Variants in RNASEH2C observed in about 807,000 individuals in gnomAD.
RNASEH2C encodes RNase H1 small subunit.
RNASEH2C carries 20 observed loss-of-function variants against 16.3 expected under a neutral mutation model. That is an observed-to-expected ratio of 1.23 (90% CI 0.86 to 1.79). The LOEUF (loss-of-function observed/expected upper bound fraction) is 1.79. Among genes scored for constraint, RNASEH2C ranks in the 40% most tolerant of loss-of-function variants. RNASEH2C has a pLI of 0.00. For missense variants in RNASEH2C, 296 were observed against 235.9 expected (o/e 1.25, Z -1.67); for synonymous variants, 106 against 98.9 (o/e 1.07, Z -0.43).
In RNASEH2C at chr11:65,718,676, T is replaced by G; in HGVS notation, c.*1107A>C. On this transcript the variant is annotated 3_prime_UTR_variant, in exon 4 of 4. Coordinates refer to ENST00000308418, the MANE Select transcript of RNASEH2C (RefSeq NM_032193.4). The stretch of plus-strand genomic sequence containing the variant: ...TGGCCTCCTATCCTATCGAAGCTAC[T>G]GGTCCCAGACCATCCTGGAGATCCT... 1 of 1,614,182 alleles carries G rather than the reference T, an allele frequency of 6.2e-7. No homozygotes were observed.
In RNASEH2C at chr11:65,719,756, G is replaced by C. The variant is rs886048500; in HGVS notation, c.*27C>G. On this transcript the variant is annotated 3_prime_UTR_variant, in exon 4 of 4. Transcript: ENST00000308418. The stretch of plus-strand genomic sequence containing the variant: ...GCTGGTTTACTGCTGTGAAGGGATC[G>C]CAGCTTTGAATTTCAAGCTCTGGTT... The C allele has an allele frequency of 2.3e-5, 37 of 1,611,690 alleles. No homozygotes were observed. Among genetic ancestry groups the C allele is most frequent in the Non-Finnish European group, 3.1e-5 (36 of 1,178,014 alleles).
chr11:65,718,975 G>C lies in RNASEH2C; in HGVS notation c.*808C>G. 6.2e-7 allele frequency: 1 copy of C among 1,614,156 alleles called. No homozygotes were observed. Among genetic ancestry groups the C allele is most frequent in the Non-Finnish European group, 8.5e-7 (1 of 1,179,984 alleles). ...ACAAGGTAGGGAGGCAGGCAGGGGA[G>C]ACAGGTGTGTGGGATGCAGAGTGCA... On this transcript the variant is annotated 3_prime_UTR_variant, in exon 4 of 4. Transcript: ENST00000308418.
rs774544891 is a variant in RNASEH2C, at chr11:65,718,547, A to C, written c.*1236T>G. On this transcript the variant is annotated 3_prime_UTR_variant, in exon 4 of 4. Coordinates refer to ENST00000308418, the MANE Select transcript of RNASEH2C (RefSeq NM_032193.4). ...GTGTTTTTAAATGTTGCTTATGTTC[A>C]TCTGTGACCTCTTACTCACCCTCTC... is the stretch of plus-strand genomic sequence containing the variant. 1.3e-6 allele frequency: 2 copies of C among 1,587,502 alleles called. No individual in the cohort carries two copies. Among genetic ancestry groups the C allele is most frequent in the South Asian group, 2.2e-5 (2 of 89,340 alleles).
In RNASEH2C at chr11:65,720,558, G is replaced by A. The variant is rs374063139; in HGVS notation, c.172+29C>T. The A allele has an allele frequency of 2.0e-3, 3,060 of 1,518,200 alleles. 6 individuals carry two copies. Among genetic ancestry groups the A allele is most frequent in the Non-Finnish European group, 2.4e-3 (2,729 of 1,135,536 alleles). The allele number at this position is 1,518,200 out of a possible 1,614,324, so 94.0% of individuals were successfully genotyped here. On this transcript the variant is annotated intron_variant, in intron 1 of 3. Transcript: ENST00000308418. ...CGCGCAGGCCGGCGCGGGGGCTGCC[G>A]GGAGCCGTAGTCCGGCCGCAGGGCT...
Position 65,718,507 on chromosome 11 carries a change from C to T in RNASEH2C, c.*1276G>A. 6.8e-7 allele frequency: 1 copy of T among 1,464,492 alleles called. No individual in the cohort carries two copies. Among genetic ancestry groups the T allele is most frequent in the African/African-American group, 1.4e-5 (1 of 71,638 alleles). The allele number at this position is 1,464,492 out of a possible 1,614,324, so 90.7% of individuals were successfully genotyped here. ...AGGGCCATGATAGGAACTAGGCAGCCTGCCTTGGCAACCTGTGTTTTTAAA... is the reference window on the plus strand; with the variant it reads ...AGGGCCATGATAGGAACTAGGCAGCTTGCCTTGGCAACCTGTGTTTTTAAA... On this transcript the variant is annotated 3_prime_UTR_variant, in exon 4 of 4. Transcript: ENST00000308418.
At position 65,720,652 on chromosome 11, in the gene RNASEH2C, A is replaced by G; in HGVS notation, c.107T>C (p.Val36Ala). The change falls in exon 1 of 4, where the codon GTT becomes GCT. Residue 36 changes from valine to alanine, a missense_variant. Physicochemically the swap from Val to Ala is moderately conservative, Grantham distance 64. Coordinates refer to ENST00000308418, the MANE Select transcript of RNASEH2C (RefSeq NM_032193.4). The stretch of plus-strand genomic sequence containing the variant: ...CACCGGGGCGGGCCCGTCCACCGCA[A>G]CCTCGCAGGGCAGCAGATGCAGTGT... ...PATLHLLPCE[V>A]AVDGPAPVGR... The G allele has an allele frequency of 1.9e-6, 3 of 1,582,762 alleles. No homozygotes were observed. The highest frequency in any genetic ancestry group is 2.6e-6 in the Non-Finnish European group (3 of 1,168,126).
chr11:65,718,267 A>T lies in RNASEH2C; in HGVS notation c.*1516T>A. Reference sequence around the variant, plus strand: ...CACAGAGCCCGGGATGGCAAAGGAAAATTGGAGGCCCCTTCTTCCCATGAG... The same window carrying T: ...CACAGAGCCCGGGATGGCAAAGGAATATTGGAGGCCCCTTCTTCCCATGAG... On this transcript the variant is annotated 3_prime_UTR_variant, in exon 4 of 4. Coordinates refer to ENST00000308418, the MANE Select transcript of RNASEH2C (RefSeq NM_032193.4). The T allele has an allele frequency of 4.0e-6, 1 of 250,228 alleles. No homozygotes were observed. Among genetic ancestry groups the T allele is most frequent in the Non-Finnish European group, 7.8e-6 (1 of 128,712 alleles). The allele number at this position is 250,228 out of a possible 1,614,324, so 15.5% of individuals were successfully genotyped here.
intron 3 of RNASEH2C, 28 bp downstream of exon 3, chr11:65,720,017 G>C (rs771694119): frequency 6.2e-7 from 1 of 1,611,838 alleles, no homozygotes; most frequent in East Asian, 2.2e-5. Context: ...TCCACCCGGG[G>C]GCAAGACGGA....
Position 65,720,754 on chromosome 11 carries a change from T to C in RNASEH2C, c.5A>G (p.Glu2Gly). M[E>G]SGDEAAIERH... is the part of the protein sequence containing the mutation. ...CTCGATGGCCGCTTCGTCGCCGCTCTCCATCCTCCCTCCTACGCGACGCCA... is the reference window on the plus strand; with the variant it reads ...CTCGATGGCCGCTTCGTCGCCGCTCCCCATCCTCCCTCCTACGCGACGCCA... Residue 2 changes from glutamate to glycine, a missense_variant, in exon 1 of 4, where the codon GAG becomes GGG. Coordinates refer to ENST00000308418, the MANE Select transcript of RNASEH2C (RefSeq NM_032193.4). 1.9e-6 allele frequency: 3 copies of C among 1,590,982 alleles called. No homozygotes were observed. Among genetic ancestry groups the C allele is most frequent in the Non-Finnish European group, 1.7e-6 (2 of 1,174,252 alleles).
chr11:65,720,508 C>CCCCAGGAG, intron 1 of RNASEH2C, 79 bp downstream of exon 1: 1 of 1,567,184 alleles, frequency 6.4e-7, no homozygotes, highest in Non-Finnish European at 8.6e-7. Context: ...GGACCACGAT[C>CCCCAGGAG]CCCAGGAGCC....
intron 3 of RNASEH2C, 22 bp from the exon 4 acceptor site, chr11:65,719,831 C>T: frequency 6.2e-7 from 1 of 1,614,134 alleles, no homozygotes; most frequent in Non-Finnish European, 8.5e-7. Context: ...GTCGCCTCTA[C>T]TGTTGGACTT....
Position 65,718,521 on chromosome 11 carries a change from T to G in RNASEH2C, c.*1262A>C. On this transcript the variant is annotated 3_prime_UTR_variant, in exon 4 of 4. Coordinates refer to ENST00000308418, the MANE Select transcript of RNASEH2C (RefSeq NM_032193.4). ...AACTAGGCAGCCTGCCTTGGCAACC[T>G]GTGTTTTTAAATGTTGCTTATGTTC... 1 of 1,539,096 alleles carries G rather than the reference T, an allele frequency of 6.5e-7. No homozygotes were observed. Among genetic ancestry groups the G allele is most frequent in the South Asian group, 1.2e-5 (1 of 84,722 alleles).
rs1235969721 is a variant in RNASEH2C, at chr11:65,718,844, C to G, written c.*939G>C. On this transcript the variant is annotated 3_prime_UTR_variant, in exon 4 of 4. Transcript: ENST00000308418. The stretch of plus-strand genomic sequence containing the variant: ...GCTCCTGGGGACAGATAAAGGTCCT[C>G]AGGGAACCTGACCTGTGCTCTCCCA... The G allele has an allele frequency of 6.2e-7, 1 of 1,613,848 alleles. No individual in the cohort carries two copies. Among genetic ancestry groups the G allele is most frequent in the Admixed American group, 1.7e-5 (1 of 60,014 alleles).
chr11:65,719,301 A>C lies in RNASEH2C; in HGVS notation c.*482T>G. The C allele has an allele frequency of 1.6e-6, 2 of 1,253,534 alleles. No homozygotes were observed. Among genetic ancestry groups the C allele is most frequent in the Non-Finnish European group, 2.2e-6 (2 of 912,820 alleles). The allele number at this position is 1,253,534 out of a possible 1,614,324, so 77.7% of individuals were successfully genotyped here. A position where few individuals can be genotyped will look rare whatever the true frequency, so the allele number is the denominator to read the frequency against. ...GAGATGGGGCTGAGGACAGCTCAAA[A>C]AGGAGAGGACAGGCCTGGCAGGGGC... is the stretch of plus-strand genomic sequence containing the variant. On this transcript the variant is annotated 3_prime_UTR_variant, in exon 4 of 4. Transcript: ENST00000308418.
rs1400070423 is a variant in RNASEH2C at position 65,718,620 on chromosome 11, CAG to C, written c.*1161_*1162del. The stretch of plus-strand genomic sequence containing the variant: ...GAACTCTCCAAAGTGGAAGGGAAAA[CAG>C]GGACCCCTGAGAAGCCCCTCTCAGA... On this transcript the variant is annotated 3_prime_UTR_variant, in exon 4 of 4. Transcript: ENST00000308418. 1.2e-6 allele frequency: 2 copies of C among 1,614,102 alleles called. No homozygotes were observed. Among genetic ancestry groups the C allele is most frequent in the African/African-American group, 1.3e-5 (1 of 74,932 alleles).
rs1207991488 is a variant in RNASEH2C at position 65,719,337 on chromosome 11, C to G, written c.*446G>C. 18 of 937,208 alleles carry G rather than the reference C, an allele frequency of 1.9e-5. No individual in the cohort carries two copies. Among genetic ancestry groups the G allele is most frequent in the Non-Finnish European group, 2.5e-5 (16 of 642,766 alleles). 58.1% of individuals were successfully genotyped at this position (937,208 alleles called of 1,614,324 possible). A position where few individuals can be genotyped will look rare whatever the true frequency, so the allele number is the denominator to read the frequency against. On this transcript the variant is annotated 3_prime_UTR_variant, in exon 4 of 4. Coordinates refer to ENST00000308418, the MANE Select transcript of RNASEH2C (RefSeq NM_032193.4). ...AGGCCTGGCAGGGGCCCACTGGTGC[C>G]CAGCACCAAGGCGAGCTCCGGGCTC...
intron 3 of RNASEH2C, 53 bp from the exon 4 acceptor site, chr11:65,719,862 G>A (rs906204286): frequency 3.1e-6 from 5 of 1,611,240 alleles, no homozygotes; most frequent in Non-Finnish European, 4.2e-6. Flanking sequence ...GCGGCAAGCT[G>A]GCCCCCATAC....
rs751428495 is a variant in RNASEH2C, at chr11:65,718,716, C to T, written c.*1067G>A. On this transcript the variant is annotated 3_prime_UTR_variant, in exon 4 of 4. Transcript: ENST00000308418. ...CTGGAGATCCTGATGGGGCTGAAGT[C>T]GGAGAGCGGGGAGAGGCCACAGATC... 8 of 1,614,002 alleles carry T rather than the reference C, an allele frequency of 5.0e-6. No individual in the cohort carries two copies. The highest frequency in any genetic ancestry group is 2.2e-5 in the East Asian group (1 of 44,892).
rs761790368 is a variant in RNASEH2C, at chr11:65,719,043, C to A, written c.*740G>T. 5.6e-6 allele frequency: 9 copies of A among 1,613,956 alleles called. No individual in the cohort carries two copies. Among genetic ancestry groups the A allele is most frequent in the African/African-American group, 5.3e-5 (4 of 74,926 alleles). Reference sequence around the variant, plus strand: ...CACCTGCTGAACCCATCTCCTCTGCCCAGGGCCAGTACATCCTCACACTGT... The same window carrying A: ...CACCTGCTGAACCCATCTCCTCTGCACAGGGCCAGTACATCCTCACACTGT... On this transcript the variant is annotated 3_prime_UTR_variant, in exon 4 of 4. Coordinates refer to ENST00000308418, the MANE Select transcript of RNASEH2C (RefSeq NM_032193.4).
Sources: gnomAD v4.1 joint callset for allele counts on GRCh38, gnomAD v4.1.1 for gene constraint, MANE v1.5 for transcripts, NCBI Gene and HGNC (gene_info 2026-07-23, HGNC 2026-07-21) for gene names.